NRXN1: variants seen among roughly 807,000 people sequenced by gnomAD.
NRXN1 encodes neurexin-1.
A neutral mutation model predicts 150.9 loss-of-function variants in NRXN1; 39 were observed. The observed-to-expected ratio is 0.26, with a 90% CI of 0.20 to 0.34. The LOEUF (loss-of-function observed/expected upper bound fraction) is 0.34, where lower values mean the gene tolerates loss of function less well. Among genes scored for constraint, NRXN1 ranks in the 10% least tolerant of loss-of-function variants. The pLI is 1.00. For synonymous variants in NRXN1, 924 were observed against 757.0 expected, an observed-to-expected ratio of 1.22 and a Z score of -3.62; for missense variants, 1,815 against 1,949.9, an observed-to-expected ratio of 0.93 and a Z score of 1.30.
intron 18 of NRXN1, among the ~76,000 whole-genome samples, chr2:50,158,893 T>C (rs1197316980): frequency 6.6e-6 from 1 of 152,120 alleles, no homozygotes; most frequent in Non-Finnish European, 1.5e-5. Context: ...TCCATATAGA[T>C]AGTGAACCTT....
chr2:50,864,157 T>C (rs1037915193), intron 5 of NRXN1, among the ~76,000 whole-genome samples: 1 of 152,044 alleles, frequency 6.6e-6, no homozygotes, highest in Non-Finnish European at 1.5e-5. Flanking sequence ...GAGGACCTTT[T>C]CCTTTCACAG....
chr2:50,229,901 C>A (rs751263326), intron 18 of NRXN1, among the ~76,000 whole-genome samples: 9 of 152,058 alleles, frequency 5.9e-5, no homozygotes, highest in African/African-American at 1.2e-4. Flanking sequence ...CTTGTTTTGA[C>A]AGCTTGGCAT....
intron 21 of NRXN1, among the ~76,000 whole-genome samples, chr2:50,030,385 C>T (rs183292386): frequency 6.6e-6 from 1 of 152,054 alleles, no homozygotes; most frequent in South Asian, 2.1e-4. Context: ...ATAGTGCCCC[C>T]ATCTCCCAGT....
At chr2:50,802,264 G>A (rs1707701778) in intron 5 of NRXN1, among the ~76,000 whole-genome samples, 1 of 152,074 alleles carries the variant, frequency 6.6e-6, no homozygotes, top group Non-Finnish European at 1.5e-5. Context: ...GGCCGAGGCA[G>A]GGGGATCACC....
intron 5 of NRXN1, among the ~76,000 whole-genome samples, chr2:50,628,876 G>C (rs986140177): frequency 6.6e-6 from 1 of 151,520 alleles, no homozygotes; most frequent in East Asian, 1.9e-4. Context: ...TGATAAAGTA[G>C]TTGAACAGAC....
At chr2:50,636,799 C>G (rs4539823) in intron 5 of NRXN1, among the ~76,000 whole-genome samples, 1 of 152,038 alleles carries the variant, frequency 6.6e-6, no homozygotes, top group Admixed American at 6.6e-5. Context: ...AAAACAATAC[C>G]TTCAATGGAT....
At chr2:50,060,100 C>A (rs1199934092) in intron 19 of NRXN1, among the ~76,000 whole-genome samples, 1 of 152,072 alleles carries the variant, frequency 6.6e-6, no homozygotes, top group African/African-American at 2.4e-5. Context: ...CCTGGAAAAG[C>A]CACAGACACT....
At chr2:50,758,487 C>G (rs1171754607) in intron 5 of NRXN1, among the ~76,000 whole-genome samples, 1 of 151,834 alleles carries the variant, frequency 6.6e-6, no homozygotes, top group African/African-American at 2.4e-5. Flanking sequence ...AACAAACAAA[C>G]AAACAAAATG....
intron 18 of NRXN1, among the ~76,000 whole-genome samples, chr2:50,131,809 A>T (rs2152747946): frequency 6.6e-6 from 1 of 152,284 alleles, no homozygotes; most frequent in Non-Finnish European, 1.5e-5. Flanking sequence ...CTTTTGTAGG[A>T]AAAAAACAGA....
chr2:50,930,343 C>A (rs77832363), intron 2 of NRXN1, among the ~76,000 whole-genome samples: 4,115 of 151,902 alleles, frequency 0.027, 218 homozygotes, highest in African/African-American at 0.094. Context: ...GTATTTAATT[C>A]AAAATGTTCT....
At chr2:50,564,546 G>A (rs895634593) in intron 8 of NRXN1, among the ~76,000 whole-genome samples, 2 of 151,954 alleles carry the variant, frequency 1.3e-5, no homozygotes, top group Middle Eastern at 3.4e-3. Context: ...TTTATTAAAG[G>A]CATATAAATG....
At chr2:49,951,631 A>G (rs1673979407) in intron 21 of NRXN1, among the ~76,000 whole-genome samples, 1 of 152,052 alleles carries the variant, frequency 6.6e-6, no homozygotes, top group Admixed American at 6.6e-5. Context: ...AATTTTGGCC[A>G]TTTCCAAATT....
intron 13 of NRXN1, among the ~76,000 whole-genome samples, chr2:50,499,664 T>C (rs2091839765): frequency 6.6e-6 from 1 of 152,062 alleles, no homozygotes; most frequent in Non-Finnish European, 1.5e-5. Context: ...AGCTTAAAAA[T>C]CGTCTAGATG....
intron 17 of NRXN1, among the ~76,000 whole-genome samples, chr2:50,400,071 G>T (rs4273255): frequency 6.6e-6 from 1 of 151,930 alleles, no homozygotes; most frequent in Admixed American, 6.6e-5. Flanking sequence ...TGCACCCCAA[G>T]AAAGAATAGT....
At chr2:50,708,674 G>T (rs976752169) in intron 5 of NRXN1, among the ~76,000 whole-genome samples, 1 of 152,066 alleles carries the variant, frequency 6.6e-6, no homozygotes, top group Non-Finnish European at 1.5e-5. Context: ...AGTGTGATGG[G>T]AAATAGGACC....
intron 2 of NRXN1, among the ~76,000 whole-genome samples, chr2:50,995,066 T>C (rs1031781493): frequency 6.6e-6 from 1 of 151,954 alleles, no homozygotes; most frequent in African/African-American, 2.4e-5. Context: ...TATTAATGTA[T>C]TTACACTGAG....
intron 19 of NRXN1, among the ~76,000 whole-genome samples, chr2:50,088,059 A>T (rs1388841676): frequency 6.6e-6 from 1 of 152,164 alleles, no homozygotes; most frequent in Non-Finnish European, 1.5e-5. Context: ...ACTTGGTGGT[A>T]AAAGCTCTAA....
intron 5 of NRXN1, among the ~76,000 whole-genome samples, chr2:50,878,438 C>A (rs1207868580): frequency 4.0e-5 from 6 of 150,682 alleles, no homozygotes; most frequent in Non-Finnish European, 8.9e-5. Context: ...TCCTCCTCCA[C>A]CTACACCCTA....
At chr2:50,557,917 C>T (rs1371470975) in intron 8 of NRXN1, among the ~76,000 whole-genome samples, 2 of 152,156 alleles carry the variant, frequency 1.3e-5, no homozygotes, top group East Asian at 1.9e-4. Flanking sequence ...CTGATATTTA[C>T]GTTGCAGTTG....
Sources: allele counts gnomAD v4.1 joint callset (sites outside exome capture counted in the v4.1 genomes callset), GRCh38; gene constraint gnomAD v4.1.1; transcripts MANE v1.5; gene names NCBI Gene and HGNC (gene_info 2026-07-23, HGNC 2026-07-21).